CMC1: variants seen among roughly 807,000 people sequenced by gnomAD.
CMC1 encodes the protein COX assembly mitochondrial protein homolog.
CMC1 carries 14 observed loss-of-function variants against 14.1 expected under a neutral mutation model. The observed-to-expected ratio is 0.99, with a 90% confidence interval of 0.66 to 1.55. The LOEUF (loss-of-function observed/expected upper bound fraction) is 1.55. Among genes scored for constraint, CMC1 ranks in the 40% most tolerant of loss-of-function variants. The pLI is 0.00. For synonymous variants in CMC1, 50 were observed against 38.4 expected, an observed-to-expected ratio of 1.30 and a Z score of -1.12; for missense variants, 127 against 123.8, an observed-to-expected ratio of 1.03 and a Z score of -0.12.
At chr3:28,303,694 A>G (rs1243662828) in intron 2 of CMC1, among the ~76,000 whole-genome samples, 1 of 152,170 alleles carries the variant, frequency 6.6e-6, no homozygotes, top group African/African-American at 2.4e-5. Context: ...AAGCTGGTAG[A>G]AAATGAGAAT....
chr3:28,247,798 G>C (rs890541046), intron 1 of CMC1, among the ~76,000 whole-genome samples: 2 of 152,060 alleles, frequency 1.3e-5, no homozygotes, highest in African/African-American at 4.8e-5. Flanking sequence ...ACAGGTTGTG[G>C]TTAACAAGTT....
chr3:28,262,022 T>A (rs1355768495), intron 1 of CMC1, among the ~76,000 whole-genome samples: 2 of 152,208 alleles, frequency 1.3e-5, no homozygotes, highest in Non-Finnish European at 1.5e-5. Flanking sequence ...TTTTAGTTCC[T>A]ATATATCTGA....
intron 2 of CMC1, among the ~76,000 whole-genome samples, chr3:28,280,657 C>T (rs1700839267): frequency 6.6e-6 from 1 of 151,908 alleles, no homozygotes; most frequent in Admixed American, 6.6e-5. Context: ...AAGAGATGTA[C>T]AATAAAATAT....
At chr3:28,299,564 T>A (rs931205061) in intron 2 of CMC1, among the ~76,000 whole-genome samples, 1 of 152,124 alleles carries the variant, frequency 6.6e-6, no homozygotes, top group Non-Finnish European at 1.5e-5. Context: ...ATACACAGAC[T>A]AATCTTTAAA....
chr3:28,317,154 C>A (rs995549182), intron 3 of CMC1: 1 of 151,826 alleles, frequency 6.6e-6, no homozygotes, highest in Non-Finnish European at 1.5e-5. Flanking sequence ...TGGTATGTAT[C>A]TTAGAGGATT....
chr3:28,271,647 T>C (rs1174932715), intron 2 of CMC1, among the ~76,000 whole-genome samples: 1 of 152,222 alleles, frequency 6.6e-6, no homozygotes, highest in Non-Finnish European at 1.5e-5. Flanking sequence ...TCCACCTTTG[T>C]TCTTTTTGCT....
chr3:28,287,877 T>C (rs1701270099), intron 2 of CMC1, among the ~76,000 whole-genome samples: 1 of 152,038 alleles, frequency 6.6e-6, no homozygotes, highest in Non-Finnish European at 1.5e-5. Context: ...TCAATGTATA[T>C]TAAAATATTA....
intron 2 of CMC1, among the ~76,000 whole-genome samples, chr3:28,265,864 G>A (rs1370080256): frequency 6.6e-6 from 1 of 152,170 alleles, no homozygotes; most frequent in Non-Finnish European, 1.5e-5. Context: ...TAATTTGCTA[G>A]CATTAATTAG....
chr3:28,264,895 CAGAT>C (rs531094914), intron 2 of CMC1, among the ~76,000 whole-genome samples: 305 of 152,160 alleles, frequency 2.0e-3, no homozygotes, highest in African/African-American at 6.9e-3. Flanking sequence ...AACTCAATTA[CAGAT>C]TTAATTTTTA....
chr3:28,285,769 A>ATTTTT (rs34243188), intron 2 of CMC1, among the ~76,000 whole-genome samples: 1 of 142,442 alleles, frequency 7.0e-6, no homozygotes, highest in Non-Finnish European at 1.5e-5. Flanking sequence ...AATTCTCAGC[A>ATTTTT]TTTTTTTTTT....
At chr3:28,274,565 T>C (rs1450761792) in intron 2 of CMC1, among the ~76,000 whole-genome samples, 1 of 152,138 alleles carries the variant, frequency 6.6e-6, no homozygotes, top group Non-Finnish European at 1.5e-5. Flanking sequence ...CTTTCAACCT[T>C]GGAGAATCTG....
Position 28,324,424 on chromosome 3 carries a change from A to G in CMC1, c.*4795A>G, listed in dbSNP as rs1703303707. 8 of 1,525,088 alleles carry G rather than the reference A, an allele frequency of 5.2e-6. No homozygotes were observed. Among genetic ancestry groups the G allele is most frequent in the Admixed American group, 2.1e-5 (1 of 47,736 alleles). 94.5% of individuals were successfully genotyped at this position (1,525,088 alleles called of 1,614,324 possible). On this transcript the variant is annotated 3_prime_UTR_variant, in exon 4 of 4. Transcript: ENST00000466830. ...GTGCAGTTTTGTGCTGTCTCTTCCA[A>G]GGTCTTCACTGCATCCTACAGGGGC...
chr3:28,290,844 A>T (rs1444367702), intron 2 of CMC1, among the ~76,000 whole-genome samples: 3 of 151,788 alleles, frequency 2.0e-5, no homozygotes, highest in Admixed American at 6.6e-5. Context: ...CATATTTATT[A>T]ATCTCATAGT....
At chr3:28,294,196 TGTAA>T (rs1418920523) in intron 2 of CMC1, among the ~76,000 whole-genome samples, 1 of 152,286 alleles carries the variant, frequency 6.6e-6, no homozygotes, top group East Asian at 1.9e-4. Flanking sequence ...GGAGCAATAA[TGTAA>T]GTGAGCTCTG....
chr3:28,261,169 G>A (rs181516539), intron 1 of CMC1, among the ~76,000 whole-genome samples: 2 of 151,940 alleles, frequency 1.3e-5, no homozygotes, highest in Admixed American at 1.3e-4. Context: ...TGTATATCAT[G>A]CGTTCAGTTT....
intron 2 of CMC1, among the ~76,000 whole-genome samples, chr3:28,268,121 A>C (rs1700099822): frequency 6.6e-6 from 1 of 152,186 alleles, no homozygotes; most frequent in Non-Finnish European, 1.5e-5. Flanking sequence ...ATACAAGTAG[A>C]TATAAGGCAC....
chr3:28,258,060 TTATATATATA>T (rs56153777), intron 1 of CMC1, among the ~76,000 whole-genome samples: 9 of 135,426 alleles, frequency 6.6e-5, no homozygotes, highest in African/African-American at 2.0e-4. Flanking sequence ...TTGAGCACCT[TTATATATATA>T]TATATATATA....
At chr3:28,248,581 T>G (rs534007846) in intron 1 of CMC1, among the ~76,000 whole-genome samples, 1 of 152,306 alleles carries the variant, frequency 6.6e-6, no homozygotes, top group South Asian at 2.1e-4. Flanking sequence ...AGAAATAAAT[T>G]CAAGTTTGTG....
At chr3:28,259,323 C>A (rs557043669) in intron 1 of CMC1, among the ~76,000 whole-genome samples, 4 of 152,126 alleles carry the variant, frequency 2.6e-5, no homozygotes, top group African/African-American at 9.6e-5. Flanking sequence ...AGAAATATTA[C>A]TCTCTTAATG....
Sources: gnomAD v4.1 joint callset for allele counts (sites outside exome capture counted in the v4.1 genomes callset) on GRCh38, gnomAD v4.1.1 for gene constraint, MANE v1.5 for transcripts, NCBI Gene and HGNC (gene_info 2026-07-23, HGNC 2026-07-21) for gene names.